The following NHP2 variants were observed in gnomAD, a reference collection of about 807,000 sequenced individuals.
NHP2 encodes the protein H/ACA ribonucleoprotein complex subunit 2.
NHP2 carries 10 observed loss-of-function variants against 16.7 expected under a neutral mutation model. That is an observed-to-expected ratio of 0.60 (90% confidence interval 0.37 to 1.01). NHP2 has a LOEUF of 1.01. NHP2 is among the 50% of genes least tolerant of loss of function. The pLI is 0.01. For missense variants in NHP2, 184 were observed against 198.3 expected (o/e 0.93, Z 0.43); for synonymous variants, 87 against 78.9 (o/e 1.10, Z -0.54).
Position 178,153,727 on chromosome 5 carries a change from G to A in NHP2, c.91C>T (p.Gln31Ter). The A allele has an allele frequency of 1.2e-6, 2 of 1,613,962 alleles. No individual in the cohort carries two copies. The highest frequency in any genetic ancestry group is 1.7e-6 in the Non-Finnish European group (2 of 1,179,908). Residue 31 changes from glutamine (Q) to a stop codon, truncating the protein, a stop_gained, in exon 1 of 4, where the codon CAG becomes TAG. Coordinates refer to ENST00000274606, the MANE Select transcript of NHP2 (RefSeq NM_017838.4). LOFTEE classifies it high-confidence loss of function. ...ERTYQELLVN[Q>*]NPIAQPLASR... Reference sequence around the variant, plus strand: ...GCCAGGGGCTGCGCGATGGGGTTCTGGTTGACCAGCAGCTCCTGGTAGGTG... The same window carrying A: ...GCCAGGGGCTGCGCGATGGGGTTCTAGTTGACCAGCAGCTCCTGGTAGGTG...
intron 2 of NHP2, 124 bp from the exon 3 acceptor site, chr5:178,151,117 G>A (rs1323746791): frequency 2.5e-6 from 2 of 815,970 alleles, no homozygotes; most frequent in Admixed American, 1.9e-5. Flanking sequence ...ACTATTTGGG[G>A]GTGATCTCTA....
rs192170316 is a variant in NHP2, at chr5:178,150,976, C to T, written c.248G>A (p.Gly83Glu). Reference protein sequence around the residue: ...KGEKGIMVLAGDTLPIEVYCH... With the variant: ...KGEKGIMVLAEDTLPIEVYCH... ...GTATACCTCAATGGGCAGTGTGTCT[C>T]CTGCCAAAACCATGATCCTGAAATG... The change falls in exon 3 of 4, where the codon GGA becomes GAA. Residue 83 changes from glycine to glutamate, a missense_variant. By Grantham distance (98) the Gly-to-Glu change is moderately conservative. Transcript: ENST00000274606. The T allele has an allele frequency of 6.2e-7, 1 of 1,613,516 alleles. No individual in the cohort carries two copies. Among genetic ancestry groups the T allele is most frequent in the Non-Finnish European group, 8.5e-7 (1 of 1,179,790 alleles).
At chr5:178,153,256 T>C (rs1024449817) in intron 2 of NHP2, 8 of 606,856 alleles carry the variant, frequency 1.3e-5, no homozygotes, top group African/African-American at 1.8e-5. Flanking sequence ...GTGGGTTTAC[T>C]CTAAGGGACT....
Position 178,149,607 on chromosome 5 carries a change from G to T in NHP2, c.*106C>A. 2.0e-6 allele frequency: 3 copies of T among 1,484,660 alleles called. No homozygotes were observed. The highest frequency in any genetic ancestry group is 2.8e-6 in the Non-Finnish European group (3 of 1,076,604). 92.0% of individuals were successfully genotyped at this position (1,484,660 alleles called of 1,614,324 possible). On this transcript the variant is annotated 3_prime_UTR_variant, in exon 4 of 4. Coordinates refer to ENST00000274606, the MANE Select transcript of NHP2 (RefSeq NM_017838.4). ...GCCTGGGAAGAAGGCGTGCCTTGGG[G>T]AACTGGGAAGATGCCGTCAGTGTGG...
chr5:178,153,255 C>CT, intron 2 of NHP2: 1 of 603,534 alleles, frequency 1.7e-6, no homozygotes, highest in Non-Finnish European at 3.0e-6. Flanking sequence ...GGTGGGTTTA[C>CT]TCTAAGGGAC....
Position 178,149,656 on chromosome 5 carries a change from T to C in NHP2, c.*57A>G. Reference sequence around the variant, plus strand: ...GGGTGGGCAGGAGGACAGCCAGTCGTCCTGCTGCCAGCCCAATAGCTTCCA... The same window carrying C: ...GGGTGGGCAGGAGGACAGCCAGTCGCCCTGCTGCCAGCCCAATAGCTTCCA... On this transcript the variant is annotated 3_prime_UTR_variant, in exon 4 of 4. Transcript: ENST00000274606. 6.2e-7 allele frequency: 1 copy of C among 1,609,634 alleles called. No homozygotes were observed. The highest frequency in any genetic ancestry group is 2.2e-5 in the East Asian group (1 of 44,798).
At chr5:178,152,551 C>T (rs1561644904) in intron 2 of NHP2, among the ~76,000 whole-genome samples, 1 of 152,092 alleles carries the variant, frequency 6.6e-6, no homozygotes, top group East Asian at 1.9e-4. Context: ...GCAAGGAGGC[C>T]CTGTTCTGAA....
At chr5:178,151,023 G>GGCTT in intron 2 of NHP2, 30 bp from the exon 3 acceptor site, 8 of 1,568,786 alleles carry the variant, frequency 5.1e-6, no homozygotes, top group Non-Finnish European at 7.0e-6. Flanking sequence ...TGTCATCTCT[G>GGCTT]GCTTGCTCCT....
At chr5:178,153,288 C>T (rs1225725256) in intron 2 of NHP2, 4 of 658,516 alleles carry the variant, frequency 6.1e-6, no homozygotes, top group African/African-American at 1.8e-5. Flanking sequence ...ATTCGCTTCA[C>T]TTTGGAATTC....
At chr5:178,150,406 C>A in intron 3 of NHP2, 1 of 266,600 alleles carries the variant, frequency 3.8e-6, no homozygotes, top group Non-Finnish European at 7.5e-6. Flanking sequence ...TGAGACAGGG[C>A]CTCACTCTGT....
intron 2 of NHP2, 129 bp from the exon 3 acceptor site, chr5:178,151,122 T>G (rs1756268299): frequency 1.3e-6 from 1 of 792,932 alleles, no homozygotes; most frequent in Non-Finnish European, 2.2e-6. Context: ...TTGGGGGTGA[T>G]CTCTACCTCT....
In NHP2 at chr5:178,149,801, C is replaced by A; in HGVS notation, c.374G>T (p.Cys125Phe). Residue 125 changes from cysteine to phenylalanine, a missense_variant, in exon 4 of 4, where the codon TGT (cysteine) becomes TTT (phenylalanine). Cys to Phe is a radical substitution (Grantham distance 205). Transcript: ENST00000274606. ...CTCATGGGGCTTGACCATTATCACA[C>A]AGGTGGGGCGCTTGGAGCCTGCGGC... ...GAAAGSKRPT[C>F]VIMVKPHEEY... 1 of 1,613,964 alleles carries A rather than the reference C, an allele frequency of 6.2e-7. No individual in the cohort carries two copies.
At chr5:178,151,677 G>A (rs1165440312) in intron 2 of NHP2, among the ~76,000 whole-genome samples, 6 of 152,118 alleles carry the variant, frequency 3.9e-5, no homozygotes, top group African/African-American at 1.4e-4. Flanking sequence ...CACTGTGAGT[G>A]TTCCTCACAG....
chr5:178,149,488 C>A lies in NHP2; in HGVS notation c.*225G>T. 1 of 542,764 alleles carries A rather than the reference C, an allele frequency of 1.8e-6. No individual in the cohort carries two copies. The highest frequency in any genetic ancestry group is 3.4e-6 in the Non-Finnish European group (1 of 298,184). 33.6% of individuals were successfully genotyped at this position (542,764 alleles called of 1,614,324 possible). On this transcript the variant is annotated 3_prime_UTR_variant, in exon 4 of 4. Coordinates refer to ENST00000274606, the MANE Select transcript of NHP2 (RefSeq NM_017838.4). ...TTTTAGTCTTAGCATTTACTTTCCC[C>A]ACCCCACATTCTTGGAACAGCCTTT...
chr5:178,149,788 G>C lies in NHP2; in HGVS notation c.387C>G (p.Val129=), dbSNP rs1474951955. 1 of 1,613,940 alleles carries C rather than the reference G, an allele frequency of 6.2e-7. No homozygotes were observed. Among genetic ancestry groups the C allele is most frequent in the East Asian group, 2.2e-5 (1 of 44,886 alleles). ...GSKRPTCVIM[V]KPHEEYQEAY... ...CCTCCTGGTACTCCTCATGGGGCTT[G>C]ACCATTATCACACAGGTGGGGCGCT... is the stretch of plus-strand genomic sequence containing the variant. The change falls in exon 4 of 4, where the codon GTC becomes GTG. Residue 129 remains valine (V), a synonymous_variant. Coordinates refer to ENST00000274606, the MANE Select transcript of NHP2 (RefSeq NM_017838.4).
chr5:178,151,573 C>T (rs1054232617), intron 2 of NHP2, among the ~76,000 whole-genome samples: 2 of 152,208 alleles, frequency 1.3e-5, no homozygotes, highest in Non-Finnish European at 2.9e-5. Context: ...AACAGGCGGA[C>T]ACACAAGGAC....
rs1296058145 is a variant in NHP2, at chr5:178,153,784, C to G, written c.34G>C (p.Glu12Gln). The change falls in exon 1 of 4, where the codon GAG becomes CAG. Residue 12 changes from glutamate to glutamine, a missense_variant. Coordinates refer to ENST00000274606, the MANE Select transcript of NHP2 (RefSeq NM_017838.4). ...CCGGAACACGCCTCCGCCTGAGCCT[C>G]GGGCCCGTCGGGATCTGCCTTTATT... ...TKIKADPDGPEAQAEACSGER... is the reference protein window; with the variant it reads ...TKIKADPDGPQAQAEACSGER... 1.2e-6 allele frequency: 2 copies of G among 1,611,774 alleles called. No homozygotes were observed. Among genetic ancestry groups the G allele is most frequent in the East Asian group, 2.2e-5 (1 of 44,810 alleles).
chr5:178,153,494 T>A lies in NHP2; in HGVS notation c.227A>T (p.Lys76Ile), dbSNP rs1243853367. Reference protein sequence around the residue: ...EVQKFVNKGEKGIMVLAGDTL... With the variant: ...EVQKFVNKGEIGIMVLAGDTL... ...CCAGAGGAAGGAAGGTTCTTACCCT[T>A]TTTCTCCTTTGTTGACAAATTTCTG... is the stretch of plus-strand genomic sequence containing the variant. The change falls in exon 2 of 4, where the codon AAA becomes ATA. Residue 76 changes from lysine (K) to isoleucine (I), a missense_variant. By Grantham distance (102) the Lys-to-Ile change is moderately radical. Transcript: ENST00000274606. 1 of 1,614,134 alleles carries A rather than the reference T, an allele frequency of 6.2e-7. No homozygotes were observed. Among genetic ancestry groups the A allele is most frequent in the African/African-American group, 1.3e-5 (1 of 75,048 alleles).
rs570522945 is a variant in NHP2, at chr5:178,149,655, G to A, written c.*58C>T. 12 of 1,608,598 alleles carry A rather than the reference G, an allele frequency of 7.5e-6. No homozygotes were observed. Among genetic ancestry groups the A allele is most frequent in the Admixed American group, 5.0e-5 (3 of 59,790 alleles). Reference sequence around the variant, plus strand: ...TGGGTGGGCAGGAGGACAGCCAGTCGTCCTGCTGCCAGCCCAATAGCTTCC... The same window carrying A: ...TGGGTGGGCAGGAGGACAGCCAGTCATCCTGCTGCCAGCCCAATAGCTTCC... On this transcript the variant is annotated 3_prime_UTR_variant, in exon 4 of 4. Transcript: ENST00000274606.
Sources: allele counts gnomAD v4.1 joint callset (sites outside exome capture counted in the v4.1 genomes callset), GRCh38; gene constraint gnomAD v4.1.1; transcripts MANE v1.5; gene names NCBI Gene and HGNC (gene_info 2026-07-23, HGNC 2026-07-21).